Variants in PLEKHM3 observed in about 807,000 individuals in gnomAD.
PLEKHM3 encodes pleckstrin homology domain containing M3, also known as pleckstrin homology domain-containing family M member 3.
Under a neutral mutation model 81.8 loss-of-function variants are expected in PLEKHM3, and 45 were observed. The observed-to-expected ratio is 0.55, with a 90% CI of 0.43 to 0.71. The LOEUF (loss-of-function observed/expected upper bound fraction) is 0.71. PLEKHM3 is among the 30% of genes least tolerant of loss of function. The pLI, the probability that PLEKHM3 is intolerant of heterozygous loss-of-function variation, is 0.00. For synonymous variants in PLEKHM3, 352 were observed against 356.4 expected (o/e 0.99, Z 0.14); for missense variants, 788 against 924.3 (o/e 0.85, Z 1.91).
intron 5 of PLEKHM3, among the ~76,000 whole-genome samples, chr2:207,927,792 T>C (rs555495497): frequency 7.2e-5 from 11 of 152,274 alleles, no homozygotes; most frequent in African/African-American, 1.7e-4. Context: ...ATCGTGCCAC[T>C]GCACTCCAGC....
chr2:207,828,409 C>A lies in PLEKHM3; in HGVS notation c.2196G>T (p.Lys732Asn). 1.2e-6 allele frequency: 2 copies of A among 1,614,124 alleles called. No individual in the cohort carries two copies. The highest frequency in any genetic ancestry group is 1.7e-6 in the Non-Finnish European group (2 of 1,180,038). The change falls in exon 8 of 8, where the codon AAG (lysine) becomes AAT (asparagine). Residue 732 changes from lysine (K) to asparagine (N), a missense_variant. Transcript: ENST00000427836. ...GTCTCTGCCAGAAAGACTTCTGCTT[C>A]TTCTGCAGCTCTCGGCGAACACACC... is the stretch of plus-strand genomic sequence containing the variant. ...CPRCVRRELQKKQKSFWQRLN... is the reference protein window; with the variant it reads ...CPRCVRRELQNKQKSFWQRLN...
intron 7 of PLEKHM3, among the ~76,000 whole-genome samples, chr2:207,841,763 T>C (rs2092355548): frequency 6.6e-6 from 1 of 151,916 alleles, no homozygotes; most frequent in African/African-American, 2.4e-5. Context: ...ACTTTCTGAA[T>C]CTTTTTGACT....
chr2:207,911,324 T>C (rs1688803626), intron 5 of PLEKHM3, among the ~76,000 whole-genome samples: 1 of 152,258 alleles, frequency 6.6e-6, no homozygotes, highest in Non-Finnish European at 1.5e-5. Flanking sequence ...ATAACCAGAA[T>C]GTTCACATGT....
intron 2 of PLEKHM3, among the ~76,000 whole-genome samples, chr2:207,997,393 A>T (rs910511038): frequency 2.0e-5 from 3 of 152,174 alleles, no homozygotes; most frequent in Non-Finnish European, 4.4e-5. Flanking sequence ...GAGATGGAGG[A>T]GGGTAGGAGG....
chr2:207,949,729 A>G (rs1690267492), intron 3 of PLEKHM3, among the ~76,000 whole-genome samples: 1 of 152,188 alleles, frequency 6.6e-6, no homozygotes, highest in Non-Finnish European at 1.5e-5. Context: ...ATGATATTGC[A>G]GAAATTCAGG....
intron 3 of PLEKHM3, among the ~76,000 whole-genome samples, chr2:207,961,950 A>G (rs905891885): frequency 6.6e-6 from 1 of 152,194 alleles, no homozygotes; most frequent in Non-Finnish European, 1.5e-5. Context: ...TGCTGTGGAA[A>G]TGTCCATTCA....
intron 5 of PLEKHM3, among the ~76,000 whole-genome samples, chr2:207,911,811 A>G (rs1688817433): frequency 1.3e-5 from 2 of 152,234 alleles, no homozygotes; most frequent in Admixed American, 6.5e-5. Context: ...TTGTAGAAAC[A>G]TAGGTCAGCT....
Position 208,001,300 on chromosome 2 carries a change from C to T in PLEKHM3, c.340G>A (p.Ala114Thr). Residue 114 changes from alanine (A) to threonine (T), a missense_variant, in exon 2 of 8, where the codon GCA becomes ACA. Ala to Thr is a moderately conservative substitution (Grantham distance 58). Coordinates refer to ENST00000427836, the MANE Select transcript of PLEKHM3 (RefSeq NM_001080475.3). ...DNLSWMEQKE[A>T]STFNFFNICQ... ...ATATTGAAGAAATTAAAGGTTGATG[C>T]TTCCTTTTGTTCCATCCAGGAAAGA... 6.2e-7 allele frequency: 1 copy of T among 1,614,224 alleles called. No homozygotes were observed. Among genetic ancestry groups the T allele is most frequent in the Non-Finnish European group, 8.5e-7 (1 of 1,180,044 alleles).
Position 207,861,203 on chromosome 2 carries a change from G to T in PLEKHM3, c.2010C>A (p.His670Gln). The stretch of plus-strand genomic sequence containing the variant: ...GGCTACAAAGACTGCAGCTGTACAC[G>T]TGTGAGGTGGCAAATTTAATGACCT... ...LGKVIKFATS[H>Q]VYSCSLCSQK... is the part of the protein sequence containing the mutation. Residue 670 changes from histidine to glutamine, a missense_variant, in exon 7 of 8, where the codon CAC (histidine) becomes CAA (glutamine). Physicochemically the swap from His to Gln is conservative, Grantham distance 24. Coordinates refer to ENST00000427836, the MANE Select transcript of PLEKHM3 (RefSeq NM_001080475.3). 1.2e-6 allele frequency: 2 copies of T among 1,614,092 alleles called. No individual in the cohort carries two copies. The highest frequency in any genetic ancestry group is 8.5e-7 in the Non-Finnish European group (1 of 1,179,984).
intron 7 of PLEKHM3, among the ~76,000 whole-genome samples, chr2:207,858,341 T>C (rs955916784): frequency 2.0e-5 from 3 of 152,026 alleles, no homozygotes; most frequent in Non-Finnish European, 2.9e-5. Flanking sequence ...ACCTAACTAA[T>C]CATATTTTTT....
At position 207,977,171 on chromosome 2, in the gene PLEKHM3, T is replaced by A. The variant is rs1196123628; in HGVS notation, c.1026A>T (p.Lys342Asn). 1 of 1,614,194 alleles carries A rather than the reference T, an allele frequency of 6.2e-7. No individual in the cohort carries two copies. The highest frequency in any genetic ancestry group is 1.1e-5 in the South Asian group (1 of 91,084). Residue 342 changes from lysine (K) to asparagine (N), a missense_variant, in exon 3 of 8, where the codon AAA becomes AAT. Physicochemically the swap from Lys to Asn is moderately conservative, Grantham distance 94. Coordinates refer to ENST00000427836, the MANE Select transcript of PLEKHM3 (RefSeq NM_001080475.3). ...GGGACGGTGGCAGCAGCCCACTGGTTTTCTTCTGGAAACTATGATTCTGTG... is the reference window on the plus strand; with the variant it reads ...GGGACGGTGGCAGCAGCCCACTGGTATTCTTCTGGAAACTATGATTCTGTG... ...DYTQNHSFQK[K>N]TSGLLPPSPV...
At chr2:207,987,200 C>T (rs1419847740) in intron 2 of PLEKHM3, among the ~76,000 whole-genome samples, 1 of 152,196 alleles carries the variant, frequency 6.6e-6, no homozygotes, top group Non-Finnish European at 1.5e-5. Context: ...GCTGCCAGCA[C>T]TGCACTGACA....
At chr2:207,996,529 T>G (rs1692126073) in intron 2 of PLEKHM3, among the ~76,000 whole-genome samples, 1 of 152,084 alleles carries the variant, frequency 6.6e-6, no homozygotes, top group African/African-American at 2.4e-5. Context: ...ATACTGAAGA[T>G]AAAACAATGG....
At chr2:207,985,965 G>T (rs1218273940) in intron 2 of PLEKHM3, among the ~76,000 whole-genome samples, 1 of 148,582 alleles carries the variant, frequency 6.7e-6, no homozygotes, top group Admixed American at 6.8e-5. Context: ...TCCAGCCTGG[G>T]CAACAGAGCG....
chr2:208,014,367 G>A (rs112024525), intron 1 of PLEKHM3, among the ~76,000 whole-genome samples: 8,580 of 152,288 alleles, frequency 0.056, 775 homozygotes, highest in African/African-American at 0.19. Context: ...GGAACTGGCC[G>A]TGTGCAGTGG....
intron 7 of PLEKHM3, among the ~76,000 whole-genome samples, chr2:207,858,630 G>T (rs2092449547): frequency 6.6e-6 from 1 of 151,848 alleles, no homozygotes; most frequent in African/African-American, 2.4e-5. Flanking sequence ...ACAGGAATTT[G>T]CCACCACGTC....
At chr2:207,926,158 G>T (rs1264357394) in intron 5 of PLEKHM3, among the ~76,000 whole-genome samples, 1 of 152,110 alleles carries the variant, frequency 6.6e-6, no homozygotes, top group Non-Finnish European at 1.5e-5. Context: ...AGAAGTTATG[G>T]CAAAGTGGCA....
At chr2:207,964,141 G>A (rs1298327641) in intron 3 of PLEKHM3, among the ~76,000 whole-genome samples, 3 of 152,164 alleles carry the variant, frequency 2.0e-5, no homozygotes, top group Non-Finnish European at 4.4e-5. Flanking sequence ...GAACCCAGGA[G>A]GCGGAGGTTG....
intron 2 of PLEKHM3, among the ~76,000 whole-genome samples, chr2:207,981,240 T>A (rs1691514390): frequency 6.6e-6 from 1 of 152,176 alleles, no homozygotes; most frequent in African/African-American, 2.4e-5. Context: ...GTCTATATCA[T>A]ACCTTATTAA....
Sources: allele counts gnomAD v4.1 joint callset (sites outside exome capture counted in the v4.1 genomes callset), GRCh38; gene constraint gnomAD v4.1.1; transcripts MANE v1.5; gene names NCBI Gene and HGNC (gene_info 2026-07-23, HGNC 2026-07-21).